Variants in FILIP1 observed in about 807,000 individuals in gnomAD.
The protein encoded by FILIP1 is filamin-A-interacting protein 1.
A neutral mutation model predicts 102.1 loss-of-function variants in FILIP1; 61 were observed. The ratio of observed to expected loss-of-function variants is 0.60; its 90% CI spans 0.49 to 0.74. The LOEUF (loss-of-function observed/expected upper bound fraction) is 0.74, where lower values mean the gene tolerates loss of function less well. Among genes scored for constraint, FILIP1 ranks in the 30% least tolerant of loss-of-function variants. The pLI is 0.00. For synonymous variants in FILIP1, 491 were observed against 526.9 expected (o/e 0.93, Z 0.93); for missense variants, 1,314 against 1,441.2 (o/e 0.91, Z 1.43).
At chr6:75,370,751 ATTTTTAGT>A (rs1431101919) in intron 2 of FILIP1, among the ~76,000 whole-genome samples, 1 of 151,304 alleles carries the variant, frequency 6.6e-6, no homozygotes, top group African/African-American at 2.4e-5. Flanking sequence ...TAATTTTTGT[ATTTTTAGT>A]AGAGACAGGG....
chr6:75,440,672 A>C (rs1372934039), intron 1 of FILIP1, among the ~76,000 whole-genome samples: 1 of 152,158 alleles, frequency 6.6e-6, no homozygotes, highest in Admixed American at 6.5e-5. Context: ...AATGGGTATG[A>C]CAGGCCGGAC....
chr6:75,372,053 G>A (rs1186717574), intron 2 of FILIP1, among the ~76,000 whole-genome samples: 2 of 152,082 alleles, frequency 1.3e-5, no homozygotes, highest in Admixed American at 1.3e-4. Flanking sequence ...TCTGCATATC[G>A]TATGTGCAAT....
At chr6:75,392,412 C>G (rs1432775269) in intron 2 of FILIP1, among the ~76,000 whole-genome samples, 1 of 152,140 alleles carries the variant, frequency 6.6e-6, no homozygotes, top group Non-Finnish European at 1.5e-5. Flanking sequence ...TTCCACTTGT[C>G]TAAGCATCTG....
chr6:75,404,102 C>G (rs747136818), intron 2 of FILIP1, among the ~76,000 whole-genome samples: 8 of 152,126 alleles, frequency 5.3e-5, no homozygotes, highest in Non-Finnish European at 4.4e-5. Context: ...CTGTGCCACA[C>G]AGCATGCATC....
chr6:75,329,712 T>C (rs187387214), intron 4 of FILIP1, among the ~76,000 whole-genome samples: 6 of 152,328 alleles, frequency 3.9e-5, no homozygotes, highest in African/African-American at 1.4e-4. Context: ...CTTGTTAAAA[T>C]AATAGGGCAT....
intron 2 of FILIP1, chr6:75,365,938 A>G (rs1484574857): frequency 1.3e-5 from 2 of 152,210 alleles, no homozygotes; most frequent in Non-Finnish European, 2.9e-5. Flanking sequence ...AGTCCTATGC[A>G]CAGTATCTGT....
At chr6:75,365,633 C>T (rs1331039935) in intron 2 of FILIP1, among the ~76,000 whole-genome samples, 3 of 152,108 alleles carry the variant, frequency 2.0e-5, no homozygotes, top group East Asian at 1.9e-4. Flanking sequence ...GTGATCTGCC[C>T]GCCTCGGCCT....
intron 1 of FILIP1, among the ~76,000 whole-genome samples, chr6:75,421,808 G>C (rs1582479832): frequency 6.6e-6 from 1 of 152,018 alleles, no homozygotes; most frequent in Admixed American, 6.6e-5. Flanking sequence ...AAAATAACTA[G>C]CATGCTAGCC....
At chr6:75,318,323 C>G (rs1426612052) in intron 4 of FILIP1, among the ~76,000 whole-genome samples, 1 of 146,392 alleles carries the variant, frequency 6.8e-6, no homozygotes, top group Non-Finnish European at 1.5e-5. Flanking sequence ...GCAGCCTCAA[C>G]GTTTTGTGCT....
At chr6:75,422,687 C>G (rs1777506015) in intron 1 of FILIP1, among the ~76,000 whole-genome samples, 1 of 152,114 alleles carries the variant, frequency 6.6e-6, no homozygotes, top group African/African-American at 2.4e-5. Context: ...AACTGAAGAG[C>G]TTATGATGCA....
intron 1 of FILIP1, chr6:75,455,404 A>C (rs1778793722): frequency 1.3e-5 from 2 of 152,274 alleles, no homozygotes; most frequent in Non-Finnish European, 2.9e-5. Flanking sequence ...TATGAAATGT[A>C]TCCAAAGCTC....
At chr6:75,474,063 G>A (rs530046634) in intron 1 of FILIP1, among the ~76,000 whole-genome samples, 5 of 152,166 alleles carry the variant, frequency 3.3e-5, no homozygotes, top group East Asian at 3.9e-4. Flanking sequence ...CTTATTAAAT[G>A]TAGTTCATGC....
intron 4 of FILIP1, among the ~76,000 whole-genome samples, chr6:75,345,173 C>T (rs1167602080): frequency 2.0e-5 from 3 of 152,106 alleles, no homozygotes; most frequent in Admixed American, 6.6e-5. Context: ...GTACTTCTTG[C>T]CCATTTTTGC....
At chr6:75,371,604 G>A (rs1357715331) in intron 2 of FILIP1, among the ~76,000 whole-genome samples, 8 of 152,018 alleles carry the variant, frequency 5.3e-5, no homozygotes, top group Non-Finnish European at 1.2e-4. Context: ...AAAATAGTGT[G>A]GTACTGTCAT....
intron 4 of FILIP1, among the ~76,000 whole-genome samples, chr6:75,318,857 T>C (rs1329250622): frequency 2.0e-5 from 3 of 152,046 alleles, no homozygotes; most frequent in African/African-American, 7.2e-5. Context: ...AGGACAGGAC[T>C]ATCTAAAGAC....
chr6:75,374,192 T>C (rs542836813), intron 2 of FILIP1, among the ~76,000 whole-genome samples: 1 of 152,258 alleles, frequency 6.6e-6, no homozygotes, highest in East Asian at 1.9e-4. Context: ...GATTAAAAAT[T>C]AGATAAGGTC....
intron 4 of FILIP1, among the ~76,000 whole-genome samples, chr6:75,325,654 A>C (rs1773820326): frequency 6.6e-6 from 1 of 152,222 alleles, no homozygotes; most frequent in South Asian, 2.1e-4. Flanking sequence ...CAACACCACT[A>C]CTTATCAGGA....
At chr6:75,451,507 G>A (rs941133204) in intron 1 of FILIP1, among the ~76,000 whole-genome samples, 1 of 151,886 alleles carries the variant, frequency 6.6e-6, no homozygotes, top group Admixed American at 6.6e-5. Flanking sequence ...TGACATTTAT[G>A]GCAAAACAAC....
rs138021481 is a variant in FILIP1 at position 75,488,534 on chromosome 6, G to C, written c.-7+4880C>G. Among the ~76,000 whole-genome samples, 38 of 150,640 alleles carry C rather than the reference G, an allele frequency of 2.5e-4. 1 individual carries two copies. Among genetic ancestry groups the C allele is most frequent in the Admixed American group, 2.1e-3 (32 of 15,122 alleles). ...ATAATATATTCATTCCGCAAAGCCA[G>C]GAAAAGTTATTTCCTTCTTTTCTTT... On this transcript the variant is annotated intron_variant, in intron 1 of 5. Coordinates refer to ENST00000237172, the MANE Select transcript of FILIP1 (RefSeq NM_015687.5).
Sources: allele counts gnomAD v4.1 joint callset (sites outside exome capture counted in the v4.1 genomes callset), GRCh38; gene constraint gnomAD v4.1.1; transcripts MANE v1.5; gene names NCBI Gene and HGNC (gene_info 2026-07-23, HGNC 2026-07-21).